The following CAMKMT variants were observed in gnomAD, a reference collection of about 807,000 sequenced individuals.
The protein encoded by CAMKMT is calmodulin-lysine N-methyltransferase, also known as CaM KMT.
A neutral mutation model predicts 48.0 loss-of-function variants in CAMKMT; 53 were observed. The observed-to-expected ratio is 1.10, with a 90% confidence interval of 0.89 to 1.39. The LOEUF is 1.39. Ranked by LOEUF, CAMKMT falls within the 40% of genes most tolerant of loss-of-function variation. The pLI is 0.00. For synonymous variants in CAMKMT, 165 were observed against 152.3 expected (o/e 1.08, Z -0.61); for missense variants, 428 against 402.7 (o/e 1.06, Z -0.54).
rs765237173 is a variant in CAMKMT at position 44,564,327 on chromosome 2, A to G, written c.377-139956A>G. 2.6e-5 allele frequency among the ~76,000 whole-genome samples: 4 copies of G among 151,094 alleles called. No individual in the cohort carries two copies. The South Asian group carries it at 6.3e-4, about 24-fold the overall frequency. On this transcript the variant is annotated intron_variant, in intron 3 of 10. Coordinates refer to ENST00000378494, the MANE Select transcript of CAMKMT (RefSeq NM_024766.5). The stretch of plus-strand genomic sequence containing the variant: ...AGTAGCTGGATTACAGGAGCGCGCC[A>G]CTATGCCCGGCTAATTTTTGTATTT...
intron 9 of CAMKMT, among the ~76,000 whole-genome samples, chr2:44,765,819 C>A (rs1680819459): frequency 6.6e-6 from 1 of 152,096 alleles, no homozygotes; most frequent in South Asian, 2.1e-4. Context: ...ATAGTGATGA[C>A]CATCATGAGG....
At chr2:44,761,749 C>T (rs1680629094) in intron 9 of CAMKMT, among the ~76,000 whole-genome samples, 1 of 152,156 alleles carries the variant, frequency 6.6e-6, no homozygotes, top group Admixed American at 6.5e-5. Flanking sequence ...TACGGAAGTG[C>T]TTGGTACCTA....
chr2:44,528,971 T>C (rs1435094972), intron 3 of CAMKMT, among the ~76,000 whole-genome samples: 1 of 152,174 alleles, frequency 6.6e-6, no homozygotes, highest in Non-Finnish European at 1.5e-5. Context: ...TGGCCATTAT[T>C]TCGTTAGGGG....
At chr2:44,671,286 C>A (rs1285514226) in intron 3 of CAMKMT, among the ~76,000 whole-genome samples, 1 of 152,158 alleles carries the variant, frequency 6.6e-6, no homozygotes, top group Non-Finnish European at 1.5e-5. Context: ...ATCAGTTAGT[C>A]CCCTAAATCC....
chr2:44,470,443 T>C (rs576818883), intron 3 of CAMKMT, among the ~76,000 whole-genome samples: 1 of 152,330 alleles, frequency 6.6e-6, no homozygotes, highest in East Asian at 1.9e-4. Flanking sequence ...TGTTCTCAAA[T>C]TGGCCCTCCA....
At chr2:44,406,888 G>A (rs1004020235) in intron 3 of CAMKMT, among the ~76,000 whole-genome samples, 4 of 152,200 alleles carry the variant, frequency 2.6e-5, no homozygotes, top group South Asian at 2.1e-4. Context: ...GATTACAGGC[G>A]TGAGCCATTG....
At chr2:44,761,551 G>A (rs1433027779) in intron 9 of CAMKMT, among the ~76,000 whole-genome samples, 2 of 152,220 alleles carry the variant, frequency 1.3e-5, no homozygotes, top group Non-Finnish European at 2.9e-5. Context: ...CTAAATGTGA[G>A]ACTGGTACTT....
intron 3 of CAMKMT, among the ~76,000 whole-genome samples, chr2:44,553,627 C>G (rs1667844825): frequency 6.6e-6 from 1 of 152,126 alleles, no homozygotes; most frequent in Non-Finnish European, 1.5e-5. Context: ...TCCCAAAGTG[C>G]TAGAATTACA....
intron 3 of CAMKMT, among the ~76,000 whole-genome samples, chr2:44,593,943 A>T (rs564938518): frequency 6.6e-5 from 10 of 151,924 alleles, no homozygotes; most frequent in South Asian, 2.1e-4. Context: ...TGGTATTTTT[A>T]GTAGGGATGG....
intron 3 of CAMKMT, among the ~76,000 whole-genome samples, chr2:44,583,477 T>G (rs1338380585): frequency 1.3e-5 from 2 of 152,226 alleles, no homozygotes; most frequent in Admixed American, 1.3e-4. Flanking sequence ...AATCAACACT[T>G]AAAACTCAAT....
intron 3 of CAMKMT, among the ~76,000 whole-genome samples, chr2:44,431,123 A>G (rs903928500): frequency 6.6e-6 from 1 of 152,170 alleles, no homozygotes; most frequent in African/African-American, 2.4e-5. Flanking sequence ...AGCACAATTA[A>G]CCTATTCTTT....
chr2:44,593,742 A>G (rs1367214063), intron 3 of CAMKMT, among the ~76,000 whole-genome samples: 1 of 144,934 alleles, frequency 6.9e-6, no homozygotes, highest in Non-Finnish European at 1.5e-5. Flanking sequence ...TCCCTGGGGA[A>G]TTTTTGAAAA....
intron 3 of CAMKMT, among the ~76,000 whole-genome samples, chr2:44,413,121 A>T (rs1013572706): frequency 6.6e-6 from 1 of 152,024 alleles, no homozygotes; most frequent in African/African-American, 2.4e-5. Context: ...TAAATAAATA[A>T]TAAACTAATG....
intron 3 of CAMKMT, among the ~76,000 whole-genome samples, chr2:44,640,388 C>G (rs1461400320): frequency 6.6e-6 from 1 of 152,164 alleles, no homozygotes; most frequent in Non-Finnish European, 1.5e-5. Flanking sequence ...CCTGGATAAT[C>G]TCCAGGTGCA....
At chr2:44,573,265 C>T (rs1459567490) in intron 3 of CAMKMT, among the ~76,000 whole-genome samples, 1 of 151,976 alleles carries the variant, frequency 6.6e-6, no homozygotes, top group East Asian at 1.9e-4. Context: ...GTTCTTTGTC[C>T]AGTTTTCAAT....
chr2:44,368,582 G>T (rs1433932048), intron 1 of CAMKMT, among the ~76,000 whole-genome samples: 1 of 152,116 alleles, frequency 6.6e-6, no homozygotes, highest in Non-Finnish European at 1.5e-5. Context: ...GCCCCTTCCA[G>T]TATTATACAT....
intron 3 of CAMKMT, among the ~76,000 whole-genome samples, chr2:44,635,974 A>G (rs72867752): frequency 0.039 from 5,917 of 152,306 alleles, 329 homozygotes; most frequent in African/African-American, 0.12. Context: ...TCAGTGGGCT[A>G]CGTGTCAGTT....
chr2:44,579,925 G>A (rs968306966), intron 3 of CAMKMT, among the ~76,000 whole-genome samples: 6 of 152,144 alleles, frequency 3.9e-5, no homozygotes, highest in African/African-American at 1.4e-4. Context: ...CTTTCATTTG[G>A]AATCAGTTCC....
chr2:44,636,080 C>G (rs1294005906), intron 3 of CAMKMT, among the ~76,000 whole-genome samples: 1 of 152,182 alleles, frequency 6.6e-6, no homozygotes. Flanking sequence ...AGTAATAAAT[C>G]TGACAGGAAT....
Sources: allele counts gnomAD v4.1 joint callset (sites outside exome capture counted in the v4.1 genomes callset), GRCh38; gene constraint gnomAD v4.1.1; transcripts MANE v1.5; gene names NCBI Gene and HGNC (gene_info 2026-07-23, HGNC 2026-07-21).